TSPAN15: variants seen among roughly 807,000 people sequenced by gnomAD.
TSPAN15 encodes the protein tetraspanin 15, also known as tetraspanin-15.
Under a neutral mutation model 34.5 loss-of-function variants are expected in TSPAN15, and 20 were observed. The observed-to-expected ratio is 0.58, with a 90% CI of 0.41 to 0.84. The LOEUF (loss-of-function observed/expected upper bound fraction) is 0.84. Among genes scored for constraint, TSPAN15 ranks in the 40% least tolerant of loss-of-function variants. The pLI is 0.00. For missense variants in TSPAN15, 313 were observed against 386.1 expected, an observed-to-expected ratio of 0.81 and a Z score of 1.59; for synonymous variants, 155 against 153.9, an observed-to-expected ratio of 1.01 and a Z score of -0.05.
chr10:69,455,592 CT>C lies in TSPAN15; in HGVS notation c.96+3905del, dbSNP rs1241280039. 5.0e-4 allele frequency among the ~76,000 whole-genome samples: 60 copies of C among 121,046 alleles called. No homozygotes were observed. The South Asian group carries it at 7.8e-3, about 16-fold the overall frequency. The allele number at this position is 121,046 out of a possible 152,430, so 79.4% of individuals were successfully genotyped here. A position where few individuals can be genotyped will look rare whatever the true frequency, so the allele number is the denominator to read the frequency against. On this transcript the variant is annotated intron_variant, in intron 1 of 7. Coordinates refer to ENST00000373290, the MANE Select transcript of TSPAN15 (RefSeq NM_012339.5). The stretch of plus-strand genomic sequence containing the variant: ...CTTTCTCTTTTCTTTCTTTCTTTCT[CT>C]TTCTTTCTTTCTTTCTCTCTCTCTC...
At position 69,506,951 on chromosome 10, in the gene TSPAN15, G is replaced by A. The variant is rs746345933; in HGVS notation, c.858G>A (p.Thr286=). Residue 286 remains threonine, a synonymous_variant, in exon 8 of 8, where the codon ACG becomes ACA. Coordinates refer to ENST00000373290, the MANE Select transcript of TSPAN15 (RefSeq NM_012339.5). The surrounding 1 kb of genome is among the most constrained non-coding windows in gnomAD (Gnocchi z 4.7). ...GAKPSVEAAG[T]GCCLCYPN is the part of the protein sequence containing the mutation. ...AGCCCAGCGTGGAGGCGGCAGGCAC[G>A]GGATGCTGCTTGTGCTACCCCAATT... 7.5e-6 allele frequency: 12 copies of A among 1,609,646 alleles called. No individual in the cohort carries two copies. The highest frequency in any genetic ancestry group is 3.4e-5 in the Admixed American group (2 of 59,510).
intron 3 of TSPAN15, among the ~76,000 whole-genome samples, chr10:69,490,279 C>T (rs146614639): frequency 9.9e-5 from 15 of 152,262 alleles, no homozygotes; most frequent in African/African-American, 2.9e-4. Flanking sequence ...CCTTGGTGTC[C>T]GACGGGGATT....
chr10:69,504,203 C>T (rs1041711747), intron 5 of TSPAN15, among the ~76,000 whole-genome samples: 1 of 151,448 alleles, frequency 6.6e-6, no homozygotes, highest in Non-Finnish European at 1.5e-5. Context: ...GTGGTTCTCC[C>T]AGGTAAAAGT....
At chr10:69,512,599 C>A (rs1589660729), downstream of TSPAN15, among the ~76,000 whole-genome samples, 1 of 152,232 alleles carries the variant, frequency 6.6e-6, no homozygotes, top group Non-Finnish European at 1.5e-5. Context: ...CCACCATCCA[C>A]AGCCTATGCT....
the TSPAN15 span, among the ~76,000 whole-genome samples, chr10:69,530,812 C>CTATA: frequency 3.0e-5 from 2 of 66,728 alleles, no homozygotes; most frequent in Non-Finnish European, 5.9e-5. Context: ...CTCTCTCTCT[C>CTATA]TCTCTCTCTA....
chr10:69,485,027 C>G, intron 2 of TSPAN15, 114 bp from the exon 3 acceptor site: 9 of 1,007,366 alleles, frequency 8.9e-6, no homozygotes, highest in Non-Finnish European at 1.3e-5. Context: ...CTGGTAGGAG[C>G]TCCCCGAGGG....
the TSPAN15 span, among the ~76,000 whole-genome samples, chr10:69,528,830 G>T: frequency 3.4e-5 from 5 of 148,104 alleles, no homozygotes; most frequent in Non-Finnish European, 6.0e-5. Context: ...CTCATGCTCA[G>T]CTCTGGCTAA....
rs1193564525 is a variant in TSPAN15 at position 69,451,519 on chromosome 10, G to A, written c.-76G>A. 3.9e-6 allele frequency: 5 copies of A among 1,280,010 alleles called. No homozygotes were observed. The highest frequency in any genetic ancestry group is 4.1e-5 in the Admixed American group (1 of 24,464). 79.3% of individuals were successfully genotyped at this position (1,280,010 alleles called of 1,614,324 possible). A position where few individuals can be genotyped will look rare whatever the true frequency, so the allele number is the denominator to read the frequency against. On this transcript the variant is annotated 5_prime_UTR_variant, in exon 1 of 8. Transcript: ENST00000373290. ...GGCTGGTAGCCCGGCAGCCGCAGGTGGGGCCACGAGCGCTGGCTGAGGGAC... is the reference window on the plus strand; with the variant it reads ...GGCTGGTAGCCCGGCAGCCGCAGGTAGGGCCACGAGCGCTGGCTGAGGGAC...
intron 5 of TSPAN15, among the ~76,000 whole-genome samples, chr10:69,503,345 G>A (rs79842949): frequency 0.061 from 9,240 of 152,256 alleles, 351 homozygotes; most frequent in South Asian, 0.13. Flanking sequence ...AACAAATCAC[G>A]CCAGCCAGCA....
chr10:69,539,428 A>AGAG, the TSPAN15 span, among the ~76,000 whole-genome samples: 1 of 131,336 alleles, frequency 7.6e-6, no homozygotes, highest in Admixed American at 7.7e-5. Flanking sequence ...AGAAGAAGAA[A>AGAG]GAAGAAGAAG....
chr10:69,506,350 C>A lies in TSPAN15; in HGVS notation c.735+110C>A. 1.9e-6 allele frequency: 2 copies of A among 1,049,132 alleles called. No homozygotes were observed. Among genetic ancestry groups the A allele is most frequent in the Non-Finnish European group, 2.8e-6 (2 of 701,996 alleles). The allele number at this position is 1,049,132 out of a possible 1,614,324, so 65.0% of individuals were successfully genotyped here. ...TTTTTTCATAGAAGTCCAGGACTTG[C>A]CTGGGGAGGGCTGCATGGCTGGAAG... is the stretch of plus-strand genomic sequence containing the variant. On this transcript the variant is annotated intron_variant, in intron 7 of 7. Transcript: ENST00000373290. The surrounding 1 kb of genome is among the most constrained non-coding windows in gnomAD (Gnocchi z 4.7).
the TSPAN15 span, among the ~76,000 whole-genome samples, chr10:69,522,416 T>A: frequency 7.3e-6 from 1 of 137,622 alleles, no homozygotes; most frequent in Admixed American, 7.8e-5. Context: ...TCAATTTAAG[T>A]CTTTTATCCA....
downstream of TSPAN15, among the ~76,000 whole-genome samples, chr10:69,511,180 A>T (rs1162840408): frequency 6.6e-6 from 1 of 152,216 alleles, no homozygotes; most frequent in Admixed American, 6.5e-5. Flanking sequence ...CCTCTGGTAG[A>T]ATTTGGCTGT....
chr10:69,465,687 G>A (rs1841368363), intron 1 of TSPAN15, among the ~76,000 whole-genome samples: 1 of 152,234 alleles, frequency 6.6e-6, no homozygotes, highest in Non-Finnish European at 1.5e-5. Context: ...GCTAGAGGTG[G>A]GGTGTGAAGC....
At position 69,501,338 on chromosome 10, in the gene TSPAN15, G is replaced by A. The variant is rs532916402; in HGVS notation, c.570+2942G>A. ...AATGAGAGCACTGAGGTAGGGAGGAGCCTTCCCCTGGCCGGGGTTATCTGA... is the reference window on the plus strand; with the variant it reads ...AATGAGAGCACTGAGGTAGGGAGGAACCTTCCCCTGGCCGGGGTTATCTGA... On this transcript the variant is annotated intron_variant, in intron 5 of 7. Coordinates refer to ENST00000373290, the MANE Select transcript of TSPAN15 (RefSeq NM_012339.5). 3.8e-3 allele frequency among the ~76,000 whole-genome samples: 573 copies of A among 152,292 alleles called. 17 individuals are homozygous for A. In the South Asian group the frequency reaches 0.069, roughly 18 times the overall value.
the TSPAN15 span, among the ~76,000 whole-genome samples, chr10:69,531,583 A>T: frequency 6.6e-6 from 1 of 152,160 alleles, no homozygotes; most frequent in African/African-American, 2.4e-5. Flanking sequence ...TGGGTGACAC[A>T]GTGAGACTGT....
intron 1 of TSPAN15, among the ~76,000 whole-genome samples, chr10:69,482,699 A>G (rs1183829606): frequency 1.4e-5 from 2 of 146,760 alleles, no homozygotes; most frequent in Non-Finnish European, 3.0e-5. Flanking sequence ...GAGAACACAG[A>G]CTCACATGGT....
the TSPAN15 span, among the ~76,000 whole-genome samples, chr10:69,536,017 T>C: frequency 6.6e-6 from 1 of 152,134 alleles, no homozygotes; most frequent in Admixed American, 6.5e-5. Context: ...ACTTACTTAG[T>C]AGGAGGGAAG....
In TSPAN15 at chr10:69,506,058, A is replaced by G. The variant is rs1185096938; in HGVS notation, c.619-66A>G. 1 of 1,363,866 alleles carries G rather than the reference A, an allele frequency of 7.3e-7. No homozygotes were observed. The highest frequency in any genetic ancestry group is 2.3e-5 in the East Asian group (1 of 43,514). 84.5% of individuals were successfully genotyped at this position (1,363,866 alleles called of 1,614,324 possible). The stretch of plus-strand genomic sequence containing the variant: ...AGCCTGGACCTTGTGTACATGGCAG[A>G]GTCGGGGCTGTGGCTCCTGCCAGCC... On this transcript the variant is annotated intron_variant, in intron 6 of 7. Transcript: ENST00000373290. This position sits in a 1 kb window ranked among gnomAD's most constrained non-coding sequence, Gnocchi z 4.7.
Sources: gnomAD v4.1 joint callset for allele counts (sites outside exome capture counted in the v4.1 genomes callset) on GRCh38, gnomAD v4.1.1 for gene constraint, Gnocchi (gnomAD v3.1) non-coding constraint, MANE v1.5 for transcripts, NCBI Gene and HGNC (gene_info 2026-07-23, HGNC 2026-07-21) for gene names.